The following TTC39B variants were observed in gnomAD, a reference collection of about 807,000 sequenced individuals.
TTC39B encodes the protein tetratricopeptide repeat protein 39B.
Under a neutral mutation model 96.6 loss-of-function variants are expected in TTC39B, and 92 were observed. The observed-to-expected ratio is 0.95, with a 90% confidence interval of 0.80 to 1.13. The LOEUF is 1.13. Among genes scored for constraint, TTC39B ranks in the 50% most tolerant of loss-of-function variants. The pLI, the probability that TTC39B is intolerant of heterozygous loss-of-function variation, is 0.00. For synonymous variants in TTC39B, 367 were observed against 299.4 expected (o/e 1.23, Z -2.33); for missense variants, 955 against 809.3 (o/e 1.18, Z -2.18).
At chr9:15,196,033 C>T (rs1180881724) in intron 8 of TTC39B, among the ~76,000 whole-genome samples, 1 of 152,186 alleles carries the variant, frequency 6.6e-6, no homozygotes, top group African/African-American at 2.4e-5. Flanking sequence ...ATTAAAACAA[C>T]AAAGCCTGGA....
At chr9:15,280,917 T>C (rs1823738325) in intron 1 of TTC39B, among the ~76,000 whole-genome samples, 1 of 152,176 alleles carries the variant, frequency 6.6e-6, no homozygotes. Context: ...GCCAGTCTCA[T>C]CACAGTGCTT....
At chr9:15,234,791 C>T (rs182931617) in intron 2 of TTC39B, among the ~76,000 whole-genome samples, 3,982 of 151,648 alleles carry the variant, frequency 0.026, 168 homozygotes, top group African/African-American at 0.089. Flanking sequence ...GGATTAAGGG[C>T]GGTGCAAGAT....
intron 1 of TTC39B, among the ~76,000 whole-genome samples, chr9:15,275,207 A>G (rs1823495361): frequency 1.3e-5 from 2 of 151,988 alleles, no homozygotes; most frequent in Admixed American, 6.6e-5. Context: ...ACACCCAGCT[A>G]ATTTTGTATT....
At position 15,281,625 on chromosome 9, in the gene TTC39B, C is replaced by CAAAAAAAAAAAAAA. The variant is rs1161175672; in HGVS notation, c.241-13691_241-13678dup. On this transcript the variant is annotated intron_variant, in intron 1 of 19. Coordinates refer to ENST00000512701, the Ensembl canonical transcript of TTC39B. ...CCTACCAACATCCCCCCTGCAACAG[C>CAAAAAAAAAAAAAA]AAAAAAAAAAAAAAAAAAAAAAAAA... is the stretch of plus-strand genomic sequence containing the variant. 2.2e-3 allele frequency among the ~76,000 whole-genome samples: 107 copies of CAAAAAAAAAAAAAA among 48,974 alleles called. 1 individual carries two copies. Among genetic ancestry groups the CAAAAAAAAAAAAAA allele is most frequent in the African/African-American group, 9.6e-3 (101 of 10,484 alleles). 32.1% of individuals were successfully genotyped at this position (48,974 alleles called of 152,430 possible).
At chr9:15,237,996 A>G (rs1244767886) in intron 2 of TTC39B, among the ~76,000 whole-genome samples, 1 of 152,130 alleles carries the variant, frequency 6.6e-6, no homozygotes, top group Admixed American at 6.5e-5. Context: ...GCAAATCAAT[A>G]AACTAAAAAC....
At chr9:15,225,842 T>C (rs1821091483) in intron 3 of TTC39B, 75 bp downstream of exon 3, 1 of 1,367,020 alleles carries the variant, frequency 7.3e-7, no homozygotes, top group African/African-American at 1.4e-5. Context: ...ACTATGCAAA[T>C]ATCAGTATTA....
chr9:15,206,912 G>A (rs200112715), intron 6 of TTC39B, among the ~76,000 whole-genome samples: 1 of 152,084 alleles, frequency 6.6e-6, no homozygotes, highest in Non-Finnish European at 1.5e-5. Context: ...TATCAAGGGT[G>A]GGAACTGGTG....
intron 3 of TTC39B, among the ~76,000 whole-genome samples, chr9:15,222,708 C>A (rs550905290): frequency 2.1e-4 from 32 of 152,188 alleles, no homozygotes; most frequent in Admixed American, 5.2e-4. Flanking sequence ...CATATCTAGG[C>A]TTGGTAAGTG....
chr9:15,211,461 T>C (rs1236258818), intron 4 of TTC39B, 64 bp from the exon 5 acceptor site: 1 of 1,342,388 alleles, frequency 7.4e-7, no homozygotes. Context: ...TAAGAAATCC[T>C]AGTAAATGCA....
At chr9:15,268,173 TACTC>T (rs1428053377) in intron 1 of TTC39B, among the ~76,000 whole-genome samples, 2 of 152,012 alleles carry the variant, frequency 1.3e-5, no homozygotes, top group African/African-American at 4.8e-5. Flanking sequence ...GCTGGTAAAA[TACTC>T]AGCAAGTGAT....
chr9:15,210,100 G>C (rs1412268130), exon 6 of TTC39B: 1 of 1,605,252 alleles, frequency 6.2e-7, no homozygotes, highest in Non-Finnish European at 8.5e-7. Context: ...TCACTCAGTT[G>C]CTCCAGGGAT....
chr9:15,187,745 C>T (rs550679924), intron 14 of TTC39B, among the ~76,000 whole-genome samples: 30 of 152,350 alleles, frequency 2.0e-4, no homozygotes, highest in Non-Finnish European at 4.4e-4. Context: ...CAGGCATGGG[C>T]CATCGCATTT....
At chr9:15,238,360 G>A (rs1821883317) in intron 2 of TTC39B, among the ~76,000 whole-genome samples, 1 of 151,992 alleles carries the variant, frequency 6.6e-6, no homozygotes, top group East Asian at 1.9e-4. Flanking sequence ...TACCTAGAAA[G>A]CCCCAAAGAC....
In TTC39B at chr9:15,189,715, C is replaced by T. The variant is rs777172959; in HGVS notation, c.1173+10G>A. 10 of 1,613,928 alleles carry T rather than the reference C, an allele frequency of 6.2e-6. No homozygotes were observed. In the South Asian group the frequency reaches 8.8e-5, roughly 14 times the overall value. On this transcript the variant is annotated intron_variant, in intron 12 of 19. Coordinates refer to ENST00000512701, the Ensembl canonical transcript of TTC39B. ...TGGTTGAAACATACACTTTGAAATA[C>T]TGAGCGTACATTTGGAAACTGCTGG...
At chr9:15,281,199 A>G (rs1823749016) in intron 1 of TTC39B, among the ~76,000 whole-genome samples, 1 of 152,126 alleles carries the variant, frequency 6.6e-6, no homozygotes, top group Non-Finnish European at 1.5e-5. Context: ...ACAACAACAA[A>G]AACCCACTGT....
chr9:15,248,366 T>C (rs368960586), intron 2 of TTC39B, among the ~76,000 whole-genome samples: 1 of 152,206 alleles, frequency 6.6e-6, no homozygotes, highest in Admixed American at 6.5e-5. Flanking sequence ...GATCTGTACC[T>C]TCAGATCTGG....
At chr9:15,281,679 T>G (rs1026940805) in intron 1 of TTC39B, among the ~76,000 whole-genome samples, 8 of 95,130 alleles carry the variant, frequency 8.4e-5, no homozygotes, top group African/African-American at 6.9e-4. Context: ...CTCTTCTGCA[T>G]TTTTTTTTTC....
chr9:15,198,189 T>C (rs892893295), intron 8 of TTC39B, among the ~76,000 whole-genome samples: 2 of 152,152 alleles, frequency 1.3e-5, no homozygotes, highest in Non-Finnish European at 2.9e-5. Context: ...CCAGGCGCAG[T>C]GGCTCATGCC....
At chr9:15,303,969 A>G (rs890342065) in intron 1 of TTC39B, among the ~76,000 whole-genome samples, 16 of 152,212 alleles carry the variant, frequency 1.1e-4, no homozygotes, top group African/African-American at 3.6e-4. Context: ...ATTAGCTGCT[A>G]GATATTAATT....
Sources: allele counts gnomAD v4.1 joint callset (sites outside exome capture counted in the v4.1 genomes callset), GRCh38; gene constraint gnomAD v4.1.1; transcripts MANE v1.5; gene names NCBI Gene and HGNC (gene_info 2026-07-23, HGNC 2026-07-21).